Variants in GPC6 observed in about 807,000 individuals in gnomAD.
The protein encoded by GPC6 is glypican 6, also known as glypican-6.
A neutral mutation model predicts 55.2 loss-of-function variants in GPC6; 14 were observed. That is an observed-to-expected ratio of 0.25 (90% CI 0.17 to 0.40). GPC6 has a LOEUF of 0.40. Ranked by LOEUF, GPC6 falls within the 10% of genes least tolerant of loss-of-function variation. The probability of loss-of-function intolerance (pLI) is 1.00; values close to 1 mark genes in which losing one functional copy is unlikely to be tolerated. For synonymous variants in GPC6, 278 were observed against 259.6 expected (o/e 1.07, Z -0.68); for missense variants, 641 against 708.5 (o/e 0.90, Z 1.08).
chr13:93,676,885 C>T lies in GPC6; in HGVS notation c.319+131464C>T, dbSNP rs546072931. Among the ~76,000 whole-genome samples the T allele has an allele frequency of 8.6e-5, 13 of 151,890 alleles. No individual in the cohort carries two copies. In the South Asian group the frequency reaches 1.0e-3, roughly 12 times the overall value. On this transcript the variant is annotated intron_variant, in intron 2 of 8. Coordinates refer to ENST00000377047, the MANE Select transcript of GPC6 (RefSeq NM_005708.5). Reference sequence around the variant, plus strand: ...AATGGGATGGTCTGGAACTCTATCTCGGTGAATTGCTAGAGATGAAGCGAG... The same window carrying T: ...AATGGGATGGTCTGGAACTCTATCTTGGTGAATTGCTAGAGATGAAGCGAG...
intron 4 of GPC6, among the ~76,000 whole-genome samples, chr13:94,089,525 C>T (rs7324201): frequency 0.79 from 120,448 of 152,068 alleles, 48,028 homozygotes; most frequent in South Asian, 0.88. Context: ...CTGGACAAAG[C>T]CTATGTAATG....
chr13:93,375,851 T>G (rs188053680), intron 1 of GPC6, among the ~76,000 whole-genome samples: 8 of 152,316 alleles, frequency 5.3e-5, no homozygotes, highest in African/African-American at 1.7e-4. Flanking sequence ...TCTTCCCTAT[T>G]TCTAACTTTC....
chr13:94,245,889 A>G (rs925175610), intron 4 of GPC6, among the ~76,000 whole-genome samples: 1 of 152,126 alleles, frequency 6.6e-6, no homozygotes, highest in Admixed American at 6.6e-5. Context: ...CAGAAGAGGA[A>G]TTGCTACAAC....
intron 2 of GPC6, among the ~76,000 whole-genome samples, chr13:93,758,457 A>G (rs779372311): frequency 2.0e-5 from 3 of 152,104 alleles, no homozygotes; most frequent in Non-Finnish European, 2.9e-5. Context: ...TGGGATATCT[A>G]TGTATCTATG....
At chr13:93,589,477 A>G (rs974743387) in intron 2 of GPC6, among the ~76,000 whole-genome samples, 3 of 152,270 alleles carry the variant, frequency 2.0e-5, no homozygotes, top group African/African-American at 7.2e-5. Context: ...TCATCCATTA[A>G]ATAATTTTAA....
At chr13:93,817,971 TA>T in intron 2 of GPC6, among the ~76,000 whole-genome samples, 1 of 147,822 alleles carries the variant, frequency 6.8e-6, no homozygotes, top group Middle Eastern at 3.6e-3. Context: ...ATATAATACA[TA>T]AATATATAAG....
At chr13:93,886,024 G>A (rs1875304187) in intron 3 of GPC6, among the ~76,000 whole-genome samples, 1 of 152,022 alleles carries the variant, frequency 6.6e-6, no homozygotes, top group Non-Finnish European at 1.5e-5. Context: ...GCTCTGCACA[G>A]TTATTTTAAT....
At chr13:93,702,576 C>T (rs985005641) in intron 2 of GPC6, among the ~76,000 whole-genome samples, 11 of 151,962 alleles carry the variant, frequency 7.2e-5, no homozygotes, top group African/African-American at 2.4e-4. Context: ...TGAATGTCCT[C>T]GATGGCATCT....
intron 4 of GPC6, among the ~76,000 whole-genome samples, chr13:94,083,685 C>G (rs761704362): frequency 1.7e-4 from 26 of 152,064 alleles, no homozygotes; most frequent in Non-Finnish European, 3.4e-4. Context: ...CTAGTTCAAG[C>G]ACATAAGTGT....
intron 4 of GPC6, among the ~76,000 whole-genome samples, chr13:94,245,734 GTGTC>G (rs1449753201): frequency 1.3e-5 from 2 of 152,012 alleles, no homozygotes; most frequent in East Asian, 3.9e-4. Context: ...GTGTGTGTGT[GTGTC>G]TGTGTGTGTG....
intron 1 of GPC6, among the ~76,000 whole-genome samples, chr13:93,240,715 A>G (rs1308958683): frequency 6.6e-6 from 1 of 151,998 alleles, no homozygotes; most frequent in Admixed American, 6.6e-5. Context: ...ATTCTCCATC[A>G]TGTTACTATT....
chr13:93,744,554 T>TG (rs1884324846), intron 2 of GPC6, among the ~76,000 whole-genome samples: 1 of 141,604 alleles, frequency 7.1e-6, no homozygotes, highest in African/African-American at 2.6e-5. Context: ...TTTTTTTTTT[T>TG]ACAGTTGATC....
At chr13:94,396,641 G>T (rs1422903911) in intron 7 of GPC6, among the ~76,000 whole-genome samples, 6 of 152,220 alleles carry the variant, frequency 3.9e-5, no homozygotes, top group African/African-American at 1.4e-4. Context: ...GGGTATTTGG[G>T]ACTTAAATGG....
At chr13:93,345,083 G>A (rs1000672284) in intron 1 of GPC6, among the ~76,000 whole-genome samples, 1 of 152,106 alleles carries the variant, frequency 6.6e-6, no homozygotes, top group Admixed American at 6.5e-5. Flanking sequence ...GATACTGAAT[G>A]CTCAAGATGA....
intron 4 of GPC6, among the ~76,000 whole-genome samples, chr13:94,043,268 C>A (rs1266477891): frequency 6.6e-6 from 1 of 151,766 alleles, no homozygotes; most frequent in Non-Finnish European, 1.5e-5. Context: ...AGGGTCATTG[C>A]TATGAAGCCC....
At chr13:93,370,106 C>A (rs190791835) in intron 1 of GPC6, among the ~76,000 whole-genome samples, 1 of 151,922 alleles carries the variant, frequency 6.6e-6, no homozygotes, top group African/African-American at 2.4e-5. Flanking sequence ...TGGAGGAGAC[C>A]GAGTACAATG....
At chr13:93,529,323 A>G (rs1260248819) in intron 1 of GPC6, among the ~76,000 whole-genome samples, 1 of 152,022 alleles carries the variant, frequency 6.6e-6, no homozygotes, top group Non-Finnish European at 1.5e-5. Context: ...TACTACTAAC[A>G]CTTGCTAAGA....
At chr13:93,827,068 A>G (rs1298121890) in intron 2 of GPC6, among the ~76,000 whole-genome samples, 1 of 152,136 alleles carries the variant, frequency 6.6e-6, no homozygotes, top group Non-Finnish European at 1.5e-5. Context: ...TTTGATGTAT[A>G]TTTTGTGATT....
At chr13:93,552,048 G>T (rs549113566) in intron 2 of GPC6, among the ~76,000 whole-genome samples, 1 of 152,220 alleles carries the variant, frequency 6.6e-6, no homozygotes, top group South Asian at 2.1e-4. Context: ...GCAATTCATA[G>T]GGCTTATAAT....
Sources: gnomAD v4.1 joint callset for allele counts (sites outside exome capture counted in the v4.1 genomes callset) on GRCh38, gnomAD v4.1.1 for gene constraint, MANE v1.5 for transcripts, NCBI Gene and HGNC (gene_info 2026-07-23, HGNC 2026-07-21) for gene names.